Variants in SBF2 observed in about 807,000 individuals in gnomAD.
SBF2 encodes SET binding factor 2.
A neutral mutation model predicts 225.2 loss-of-function variants in SBF2; 112 were observed. That is an observed-to-expected ratio of 0.50 (90% CI 0.43 to 0.58). The LOEUF (loss-of-function observed/expected upper bound fraction) is 0.58, where lower values mean the gene tolerates loss of function less well. Ranked by LOEUF, SBF2 falls within the 20% of genes least tolerant of loss-of-function variation. The probability of loss-of-function intolerance (pLI) is 0.00; values close to 1 mark genes in which losing one functional copy is unlikely to be tolerated. For missense variants in SBF2, 1,996 were observed against 2,206.2 expected (o/e 0.90, Z 1.91); for synonymous variants, 763 against 773.3 (o/e 0.99, Z 0.22).
chr11:9,900,158 A>G (rs1861614117), intron 16 of SBF2, among the ~76,000 whole-genome samples: 1 of 152,006 alleles, frequency 6.6e-6, no homozygotes, highest in Non-Finnish European at 1.5e-5. Context: ...AAGCAGTTGT[A>G]GAATATATTT....
chr11:10,143,971 G>A lies in SBF2; in HGVS notation c.141+49931C>T, dbSNP rs111965420. Among the ~76,000 whole-genome samples, 1,232 of 152,066 alleles carry A rather than the reference G, an allele frequency of 8.1e-3. 21 individuals are homozygous for A. Among genetic ancestry groups the A allele is most frequent in the African/African-American group, 0.028 (1,147 of 41,504 alleles). Reference sequence around the variant, plus strand: ...CCTGACCTCGTGATCCGCCCGTCTCGGCCTCCCAAAGTGCTGGGATTACAG... The same window carrying A: ...CCTGACCTCGTGATCCGCCCGTCTCAGCCTCCCAAAGTGCTGGGATTACAG... On this transcript the variant is annotated intron_variant, in intron 2 of 39. Coordinates refer to ENST00000256190, the MANE Select transcript of SBF2 (RefSeq NM_030962.4).
chr11:10,167,641 C>T (rs577571395), intron 2 of SBF2, among the ~76,000 whole-genome samples: 3 of 150,968 alleles, frequency 2.0e-5, no homozygotes, highest in Non-Finnish European at 3.0e-5. Flanking sequence ...ATGAAAAATG[C>T]TAAAAGCTAT....
intron 38 of SBF2, among the ~76,000 whole-genome samples, chr11:9,782,883 A>G (rs964027130): frequency 2.4e-4 from 37 of 151,962 alleles, no homozygotes; most frequent in African/African-American, 8.2e-4. Flanking sequence ...AGAAAAAAAA[A>G]AAAAAAGAAA....
intron 1 of SBF2, among the ~76,000 whole-genome samples, chr11:10,245,838 T>C (rs1393029270): frequency 6.6e-6 from 1 of 152,180 alleles, no homozygotes; most frequent in Non-Finnish European, 1.5e-5. Flanking sequence ...TTGCCATTTG[T>C]GACAACATGG....
rs560633952 is a variant in SBF2, at chr11:10,282,815, C to T, written c.55+11200G>A. On this transcript the variant is annotated intron_variant, in intron 1 of 39. Coordinates refer to ENST00000256190, the MANE Select transcript of SBF2 (RefSeq NM_030962.4). ...AGCTACCATTTTTCAACAGACCCCA[C>T]CATCTATAGAGTCAAGGCTCACCAT... Among the ~76,000 whole-genome samples, 47 of 40,278 alleles carry T rather than the reference C, an allele frequency of 1.2e-3. No homozygotes were observed. The South Asian group carries it at 0.02, about 17-fold the overall frequency. The allele number at this position is 40,278 out of a possible 152,430, so 26.4% of individuals were successfully genotyped here. A position where few individuals can be genotyped will look rare whatever the true frequency, so the allele number is the denominator to read the frequency against.
chr11:9,989,455 T>C (rs747256497), intron 13 of SBF2, 42 bp downstream of exon 13: 115 of 1,242,844 alleles, frequency 9.3e-5, no homozygotes, highest in Non-Finnish European at 1.3e-4. Context: ...AATAAATAAA[T>C]AAATAAAATT....
At chr11:10,176,699 ATAG>A (rs1427623345) in intron 2 of SBF2, among the ~76,000 whole-genome samples, 1 of 152,200 alleles carries the variant, frequency 6.6e-6, no homozygotes, top group Non-Finnish European at 1.5e-5. Flanking sequence ...GCAATAATCA[ATAG>A]CTTACCAACC....
chr11:9,800,098 C>T (rs542788723), intron 32 of SBF2, among the ~76,000 whole-genome samples: 6 of 152,070 alleles, frequency 3.9e-5, no homozygotes, highest in Non-Finnish European at 5.9e-5. Context: ...ATTAGCTGGG[C>T]GTGGTTGTGC....
chr11:10,288,881 C>T (rs1024037452), intron 1 of SBF2, among the ~76,000 whole-genome samples: 6 of 152,188 alleles, frequency 3.9e-5, no homozygotes, highest in Non-Finnish European at 7.3e-5. Flanking sequence ...CACAAGTCCT[C>T]GCTCTAGTCC....
intron 2 of SBF2, among the ~76,000 whole-genome samples, chr11:10,158,114 G>A (rs1488465285): frequency 2.0e-5 from 3 of 151,726 alleles, no homozygotes; most frequent in African/African-American, 7.3e-5. Flanking sequence ...AACTAAAAGA[G>A]AAGTAAAAAA....
intron 13 of SBF2, among the ~76,000 whole-genome samples, chr11:9,970,986 T>C (rs1388432542): frequency 6.6e-6 from 1 of 152,188 alleles, no homozygotes; most frequent in African/African-American, 2.4e-5. Flanking sequence ...TTTCAAAAAG[T>C]AGTGTTTTTG....
intron 14 of SBF2, among the ~76,000 whole-genome samples, chr11:9,964,459 A>G (rs1866773180): frequency 6.6e-6 from 1 of 152,228 alleles, no homozygotes; most frequent in Non-Finnish European, 1.5e-5. Flanking sequence ...AAATTATATT[A>G]AACAAAGGCA....
chr11:10,084,191 AGAT>A (rs1408656858), intron 2 of SBF2, among the ~76,000 whole-genome samples: 1 of 152,216 alleles, frequency 6.6e-6, no homozygotes, highest in Non-Finnish European at 1.5e-5. Context: ...AAGTGTAGAA[AGAT>A]GTTTGCCTAC....
chr11:10,226,344 T>G (rs941535354), intron 1 of SBF2, among the ~76,000 whole-genome samples: 1 of 152,152 alleles, frequency 6.6e-6, no homozygotes, highest in Non-Finnish European at 1.5e-5. Context: ...TTTATTATTA[T>G]TATAGTTTAA....
At chr11:10,216,876 G>A (rs10770100) in intron 1 of SBF2, among the ~76,000 whole-genome samples, 91,459 of 151,446 alleles carry the variant, frequency 0.6, 28,620 homozygotes, top group East Asian at 0.95. Context: ...TCTCAAAATA[G>A]TAATTTTTAA....
intron 2 of SBF2, among the ~76,000 whole-genome samples, chr11:10,055,440 T>C (rs917539963): frequency 6.6e-6 from 1 of 151,950 alleles, no homozygotes; most frequent in Non-Finnish European, 1.5e-5. Context: ...GCATGAATTA[T>C]GTTTATCACA....
intron 10 of SBF2, among the ~76,000 whole-genome samples, chr11:9,993,483 C>T (rs1947531411): frequency 6.6e-6 from 1 of 152,194 alleles, no homozygotes; most frequent in Admixed American, 6.5e-5. Context: ...ATATACGTAA[C>T]CTTTTATGGC....
At chr11:10,050,443 A>G (rs1274519499) in intron 2 of SBF2, among the ~76,000 whole-genome samples, 1 of 152,152 alleles carries the variant, frequency 6.6e-6, no homozygotes, top group African/African-American at 2.4e-5. Context: ...TATATGTACT[A>G]TGTTTTTTCC....
chr11:9,841,530 GGTTCTTTT>G lies in SBF2; in HGVS notation c.3256+1087_3256+1094del, dbSNP rs1181075639. On this transcript the variant is annotated intron_variant, in intron 25 of 39. Coordinates refer to ENST00000256190, the MANE Select transcript of SBF2 (RefSeq NM_030962.4). ...GCATACATACATACAAAACCACATA[GGTTCTTTT>G]TTTTTTTTTTGAGGCAGAGTCTTGC... Among the ~76,000 whole-genome samples the G allele has an allele frequency of 1.1e-4, 9 of 81,526 alleles. No homozygotes were observed. The South Asian group carries it at 3.0e-3, about 27-fold the overall frequency. 53.5% of individuals were successfully genotyped at this position (81,526 alleles called of 152,430 possible).
Sources: gnomAD v4.1 joint callset for allele counts (sites outside exome capture counted in the v4.1 genomes callset) on GRCh38, gnomAD v4.1.1 for gene constraint, MANE v1.5 for transcripts, NCBI Gene and HGNC (gene_info 2026-07-23, HGNC 2026-07-21) for gene names.